EXD2: variants seen among roughly 807,000 people sequenced by gnomAD.
EXD2 encodes the protein exonuclease 3'-5' domain-containing protein 2.
EXD2 carries 40 observed loss-of-function variants against 62.5 expected under a neutral mutation model. That is an observed-to-expected ratio of 0.64 (90% CI 0.50 to 0.83). The LOEUF (loss-of-function observed/expected upper bound fraction) is 0.83. Among genes scored for constraint, EXD2 ranks in the 40% least tolerant of loss-of-function variants. The pLI is 0.00. For missense variants in EXD2, 671 were observed against 761.8 expected (o/e 0.88, Z 1.40); for synonymous variants, 239 against 291.9 (o/e 0.82, Z 1.85).
chr14:69,234,996 TAAAAG>T lies in EXD2; in HGVS notation c.1018_1022del (p.Arg340AlafsTer15), dbSNP rs2043725663. On this transcript the variant is annotated frameshift_variant, in exon 6 of 10. Transcript: ENST00000685843. LOFTEE classifies it high-confidence loss of function. Reference sequence around the variant, plus strand: ...ACCAAGGGAGAGACCCCAGAAAACATAAAAGAAAGCCTCTGGGGGTGGGCTATTCT... The same window carrying T: ...ACCAAGGGAGAGACCCCAGAAAACATAAAGCCTCTGGGGGTGGGCTATTCT... 1.2e-6 allele frequency: 2 copies of T among 1,606,342 alleles called. No homozygotes were observed. Among genetic ancestry groups the T allele is most frequent in the South Asian group, 1.1e-5 (1 of 89,626 alleles).
At chr14:69,225,053 C>T (rs994632536) in intron 3 of EXD2, among the ~76,000 whole-genome samples, 3 of 152,224 alleles carry the variant, frequency 2.0e-5, no homozygotes, top group Admixed American at 6.5e-5. Context: ...CTTTCAGCAT[C>T]TCTGATTTTG....
chr14:69,230,593 G>A lies in EXD2; in HGVS notation c.712G>A (p.Asp238Asn). The change falls in exon 5 of 10, where the codon GAC (aspartate) becomes AAC (asparagine). Residue 238 changes from aspartate to asparagine, a missense_variant. Physicochemically the swap from Asp to Asn is conservative, Grantham distance 23. Transcript: ENST00000685843. ...SNWDAETLTE[D>N]QVIYAARDAQ... ...CTGGGATGCTGAGACTCTCACAGAG[G>A]ACCAGGTACTTCTTATCAGAGTAGT... 6.2e-7 allele frequency: 1 copy of A among 1,609,132 alleles called. No individual in the cohort carries two copies. Among genetic ancestry groups the A allele is most frequent in the East Asian group, 2.2e-5 (1 of 44,842 alleles).
intron 5 of EXD2, among the ~76,000 whole-genome samples, chr14:69,234,434 A>G (rs1472040611): frequency 6.6e-6 from 1 of 152,140 alleles, no homozygotes; most frequent in Admixed American, 6.5e-5. Context: ...ATAGGTGAGG[A>G]TTTTCCAGCA....
chr14:69,202,238 G>A (rs958300905), intron 1 of EXD2, among the ~76,000 whole-genome samples: 6 of 152,088 alleles, frequency 3.9e-5, no homozygotes, highest in Non-Finnish European at 8.8e-5. Flanking sequence ...TTGGGGTGCT[G>A]TCATGTGCCT....
At chr14:69,194,928 A>C (rs1325989894) in intron 1 of EXD2, among the ~76,000 whole-genome samples, 1 of 152,020 alleles carries the variant, frequency 6.6e-6, no homozygotes, top group African/African-American at 2.4e-5. Context: ...TTTTCTTTTA[A>C]GAGATGGGAG....
Position 69,209,601 on chromosome 14 carries a change from A to G in EXD2, c.131A>G (p.Gln44Arg). The stretch of plus-strand genomic sequence containing the variant: ...ACGAGTCCTGTGACCCAACAGCCAC[A>G]GCAGAAAGTGCTGGGCAGTAGAGAG... The part of the protein sequence containing the change: ...SKTSPVTQQP[Q>R]QKVLGSRELP... Residue 44 changes from glutamine (Q) to arginine (R), a missense_variant, in exon 3 of 10, where the codon CAG becomes CGG. By Grantham distance (43) the Gln-to-Arg change is conservative. Transcript: ENST00000685843. The G allele has an allele frequency of 6.4e-7, 1 of 1,550,614 alleles. No homozygotes were observed. The highest frequency in any genetic ancestry group is 8.7e-7 in the Non-Finnish European group (1 of 1,147,006).
At position 69,238,205 on chromosome 14, in the gene EXD2, G is replaced by C. The variant is rs546724674; in HGVS notation, c.1649+274G>C. On this transcript the variant is annotated intron_variant, in intron 9 of 9. Coordinates refer to ENST00000685843, the MANE Select transcript of EXD2 (RefSeq NM_001193360.2). Reference sequence around the variant, plus strand: ...AATTTCGGTCATTTTTGTGATTAGCGTGCGAGTGCAGTTGTGGTGGAGCTG... The same window carrying C: ...AATTTCGGTCATTTTTGTGATTAGCCTGCGAGTGCAGTTGTGGTGGAGCTG... Among the ~76,000 whole-genome samples the C allele has an allele frequency of 3.9e-5, 6 of 152,160 alleles. 1 individual carries two copies.
chr14:69,209,329 C>T, intron 2 of EXD2, 95 bp from the exon 3 acceptor site: 2 of 580,428 alleles, frequency 3.4e-6, no homozygotes, highest in East Asian at 3.2e-5. Flanking sequence ...TTTGTGGGCA[C>T]AGAGATTATA....
At chr14:69,217,538 T>A (rs2043024159) in intron 3 of EXD2, among the ~76,000 whole-genome samples, 1 of 151,836 alleles carries the variant, frequency 6.6e-6, no homozygotes, top group Non-Finnish European at 1.5e-5. Flanking sequence ...ATATATCACA[T>A]TTTCTTTTTT....
intron 1 of EXD2, among the ~76,000 whole-genome samples, chr14:69,193,691 A>C (rs2042107345): frequency 6.6e-6 from 1 of 152,150 alleles, no homozygotes; most frequent in Non-Finnish European, 1.5e-5. Flanking sequence ...CTTTGTTGAA[A>C]CAAAGTTTAA....
chr14:69,228,768 G>A (rs763937076), intron 3 of EXD2, 48 bp from the exon 4 acceptor site: 52 of 1,568,804 alleles, frequency 3.3e-5, no homozygotes, highest in South Asian at 8.1e-5. Flanking sequence ...TGTTATGCTC[G>A]CTGCTGTGCT....
intron 3 of EXD2, chr14:69,224,347 A>G (rs903883539): frequency 1.3e-5 from 2 of 152,350 alleles, no homozygotes; most frequent in East Asian, 1.9e-4. Flanking sequence ...CTCACTCAGT[A>G]TACAGTAACA....
At chr14:69,236,614 C>T in intron 8 of EXD2, 72 bp downstream of exon 8, 2 of 1,592,410 alleles carry the variant, frequency 1.3e-6, no homozygotes, top group Non-Finnish European at 1.7e-6. Flanking sequence ...TATGCAGAGC[C>T]TTTGGGGGCT....
chr14:69,199,983 G>A (rs1018308301), intron 1 of EXD2, among the ~76,000 whole-genome samples: 1 of 152,166 alleles, frequency 6.6e-6, no homozygotes, highest in Non-Finnish European at 1.5e-5. Flanking sequence ...CTGTGCTGTA[G>A]GTTCGTTAAC....
At chr14:69,220,251 C>CTTTTTT (rs2043123001) in intron 3 of EXD2, among the ~76,000 whole-genome samples, 1 of 60,604 alleles carries the variant, frequency 1.7e-5, no homozygotes, top group African/African-American at 7.0e-5. Context: ...TTTTGTCTCT[C>CTTTTTT]TGTTTTTTTT....
At chr14:69,213,147 G>A (rs1267903970) in intron 3 of EXD2, among the ~76,000 whole-genome samples, 1 of 145,422 alleles carries the variant, frequency 6.9e-6, no homozygotes, top group Non-Finnish European at 1.5e-5. Context: ...GCAGTTGTGC[G>A]ATCACAGCTA....
chr14:69,225,316 AT>A (rs1181186412), intron 3 of EXD2, among the ~76,000 whole-genome samples: 3 of 152,134 alleles, frequency 2.0e-5, no homozygotes, highest in Non-Finnish European at 4.4e-5. Flanking sequence ...TCCAGAAACT[AT>A]TTTTTATGAA....
At chr14:69,220,253 G>GTTTTTTTTTTTTTTTTTTTTTTTTT (rs869194045) in intron 3 of EXD2, among the ~76,000 whole-genome samples, 1 of 35,114 alleles carries the variant, frequency 2.8e-5, no homozygotes, top group African/African-American at 1.2e-4. Flanking sequence ...TTGTCTCTCT[G>GTTTTTTTTTTTTTTTTTTTTTTTTT]TTTTTTTTTT....
intron 3 of EXD2, among the ~76,000 whole-genome samples, chr14:69,220,251 C>CTCT (rs2043123001): frequency 1.7e-5 from 1 of 60,604 alleles, no homozygotes; most frequent in African/African-American, 7.0e-5. Flanking sequence ...TTTTGTCTCT[C>CTCT]TGTTTTTTTT....
Sources: allele counts gnomAD v4.1 joint callset (sites outside exome capture counted in the v4.1 genomes callset), GRCh38; gene constraint gnomAD v4.1.1; transcripts MANE v1.5; gene names NCBI Gene and HGNC (gene_info 2026-07-23, HGNC 2026-07-21).